Variants in USP49 observed in about 807,000 individuals in gnomAD.
USP49 encodes the protein ubiquitin specific peptidase 49, also known as ubiquitin carboxyl-terminal hydrolase 49.
USP49 carries 24 observed loss-of-function variants against 58.6 expected under a neutral mutation model. That is an observed-to-expected ratio of 0.41 (90% CI 0.30 to 0.58). The LOEUF (loss-of-function observed/expected upper bound fraction) is 0.58, where lower values mean the gene tolerates loss of function less well. Ranked by LOEUF, USP49 falls within the 20% of genes least tolerant of loss-of-function variation. The probability of loss-of-function intolerance (pLI) is 0.30; values close to 1 mark genes in which losing one functional copy is unlikely to be tolerated. For missense variants in USP49, 703 were observed against 866.1 expected, an observed-to-expected ratio of 0.81 and a Z score of 2.36; for synonymous variants, 408 against 365.1, an observed-to-expected ratio of 1.12 and a Z score of -1.34.
intron 3 of USP49, among the ~76,000 whole-genome samples, chr6:41,854,154 TA>T (rs1380911977): frequency 2.7e-5 from 4 of 149,240 alleles, no homozygotes; most frequent in Admixed American, 2.0e-4. Flanking sequence ...CCACCTCTAC[TA>T]AAAATACAAA....
intron 3 of USP49, among the ~76,000 whole-genome samples, 178 bp from the exon 4 acceptor site, chr6:41,807,189 A>G (rs1181459365): frequency 6.6e-6 from 1 of 152,144 alleles, no homozygotes; most frequent in African/African-American, 2.4e-5. Context: ...CATTTGGTAT[A>G]AAGGCAGAGA....
chr6:41,810,765 T>G (rs948742244), intron 3 of USP49, among the ~76,000 whole-genome samples: 1 of 151,626 alleles, frequency 6.6e-6, no homozygotes, highest in Non-Finnish European at 1.5e-5. Context: ...CAGGCTGGTC[T>G]TGAACTCCTG....
chr6:41,836,606 T>A (rs1773731491), intron 3 of USP49, among the ~76,000 whole-genome samples: 1 of 152,170 alleles, frequency 6.6e-6, no homozygotes, highest in African/African-American at 2.4e-5. Flanking sequence ...TATAATGTTA[T>A]AACTAGATCT....
At chr6:41,854,624 A>G (rs1774093268) in intron 3 of USP49, among the ~76,000 whole-genome samples, 1 of 152,146 alleles carries the variant, frequency 6.6e-6, no homozygotes, top group Non-Finnish European at 1.5e-5. Context: ...TCTTTCTTGC[A>G]TGTTGATGAT....
Position 41,794,970 on chromosome 6 carries a change from G to A in USP49, c.*1563C>T, listed in dbSNP as rs1772862406. 1.3e-5 allele frequency: 2 copies of A among 152,196 alleles called. No homozygotes were observed. Among genetic ancestry groups the A allele is most frequent in the Non-Finnish European group, 2.9e-5 (2 of 68,044 alleles). The allele number at this position is 152,196 out of a possible 1,614,324, so 9.4% of individuals were successfully genotyped here. A position where few individuals can be genotyped will look rare whatever the true frequency, so the allele number is the denominator to read the frequency against. ...GGTCAACAGCAAATGCTACAGATCT[G>A]TGTGGGAAATGTGGCTCATCAACAT... is the stretch of plus-strand genomic sequence containing the variant. On this transcript the variant is annotated 3_prime_UTR_variant, in exon 8 of 8. Coordinates refer to ENST00000682992, the MANE Select transcript of USP49 (RefSeq NM_001286554.2).
intron 3 of USP49, among the ~76,000 whole-genome samples, chr6:41,823,052 G>A (rs1329150548): frequency 6.6e-6 from 1 of 152,080 alleles, no homozygotes; most frequent in African/African-American, 2.4e-5. Context: ...CTAAAAAAGG[G>A]GCAGGGCTAT....
At chr6:41,873,358 T>A (rs1173585914) in intron 2 of USP49, among the ~76,000 whole-genome samples, 1 of 152,204 alleles carries the variant, frequency 6.6e-6, no homozygotes, top group African/African-American at 2.4e-5. Flanking sequence ...GAGCCAAGTT[T>A]CACATGTGGG....
intron 3 of USP49, among the ~76,000 whole-genome samples, chr6:41,833,166 G>T (rs892306919): frequency 4.0e-5 from 6 of 151,674 alleles, no homozygotes; most frequent in Non-Finnish European, 7.4e-5. Context: ...ACAGGTGCCC[G>T]CCACCATGCC....
chr6:41,811,118 C>G (rs980097281), intron 3 of USP49, among the ~76,000 whole-genome samples: 1 of 152,102 alleles, frequency 6.6e-6, no homozygotes, highest in Non-Finnish European at 1.5e-5. Context: ...TTCCAGATGG[C>G]AGAGGCATGT....
In USP49 at chr6:41,796,302, T is replaced by G. The variant is rs1195527240; in HGVS notation, c.*231A>C. 1 of 445,554 alleles carries G rather than the reference T, an allele frequency of 2.2e-6. No individual in the cohort carries two copies. Among genetic ancestry groups the G allele is most frequent in the Non-Finnish European group, 4.0e-6 (1 of 248,614 alleles). The allele number at this position is 445,554 out of a possible 1,614,324, so 27.6% of individuals were successfully genotyped here. ...TATTCAGAAGCAACTGATGAAAGGATCTTCATAGAAGTTACTTCTTTTGTT... is the reference window on the plus strand; with the variant it reads ...TATTCAGAAGCAACTGATGAAAGGAGCTTCATAGAAGTTACTTCTTTTGTT... On this transcript the variant is annotated 3_prime_UTR_variant, in exon 8 of 8. Transcript: ENST00000682992.
intron 3 of USP49, among the ~76,000 whole-genome samples, chr6:41,867,684 G>A (rs534747046): frequency 6.6e-5 from 10 of 151,836 alleles, no homozygotes; most frequent in East Asian, 1.9e-4. Context: ...CCCAGGAGGC[G>A]GAGCTTGCAG....
chr6:41,800,551 C>G (rs775026582), intron 5 of USP49, among the ~76,000 whole-genome samples: 1 of 152,206 alleles, frequency 6.6e-6, no homozygotes, highest in Non-Finnish European at 1.5e-5. Flanking sequence ...GGTTCCATGT[C>G]TTCACAATGG....
In USP49 at chr6:41,805,835, G is replaced by C; in HGVS notation, c.1149C>G (p.His383Gln). 1 of 1,614,038 alleles carries C rather than the reference G, an allele frequency of 6.2e-7. No homozygotes were observed. Among genetic ancestry groups the C allele is most frequent in the South Asian group, 1.1e-5 (1 of 91,078 alleles). ...AGGCAGGGATCAGGCTCCACACTGA[G>C]TGGAGCATGGCGAAGGGCGACACTA... ...WALVSPFAML[H>Q]SVWSLIPAFR... Residue 383 changes from histidine to glutamine, a missense_variant, in exon 4 of 8, where the codon CAC becomes CAG. By Grantham distance (24) the His-to-Gln change is conservative (BLOSUM62 0). This residue lies in a region of USP49 where 66 missense variants were observed against 116.0 expected (regional missense o/e 0.57). Coordinates refer to ENST00000682992, the MANE Select transcript of USP49 (RefSeq NM_001286554.2).
intron 2 of USP49, among the ~76,000 whole-genome samples, chr6:41,879,537 A>C (rs975247550): frequency 2.0e-5 from 3 of 152,320 alleles, no homozygotes; most frequent in Admixed American, 2.0e-4. Context: ...AGCTAAAAAA[A>C]GGAGAATGGA....
chr6:41,850,835 T>C (rs368541496), intron 3 of USP49, among the ~76,000 whole-genome samples: 31 of 151,992 alleles, frequency 2.0e-4, no homozygotes, highest in African/African-American at 7.0e-4. Flanking sequence ...TCTCTTGACC[T>C]CCTGATCCGC....
intron 2 of USP49, chr6:41,872,905 C>CAA (rs112566902): frequency 5.1e-5 from 5 of 99,002 alleles, no homozygotes; most frequent in South Asian, 3.2e-4. Context: ...GACTCCACCT[C>CAA]AAAAAAAAAA....
intron 2 of USP49, among the ~76,000 whole-genome samples, chr6:41,878,093 A>G (rs918204714): frequency 5.9e-5 from 9 of 152,196 alleles, no homozygotes; most frequent in African/African-American, 1.9e-4. Context: ...AAAGAGCTGC[A>G]AAGATCAAAT....
intron 3 of USP49, among the ~76,000 whole-genome samples, chr6:41,855,873 C>T (rs759210961): frequency 6.6e-6 from 1 of 151,230 alleles, no homozygotes; most frequent in African/African-American, 2.4e-5. Flanking sequence ...CATGGCGAAA[C>T]CCCGTCTCTA....
chr6:41,799,926 T>G lies in USP49; in HGVS notation c.1574A>C (p.Lys525Thr). The G allele has an allele frequency of 1.2e-6, 2 of 1,614,050 alleles. No individual in the cohort carries two copies. Among genetic ancestry groups the G allele is most frequent in the African/African-American group, 2.7e-5 (2 of 75,044 alleles). ...ACDQCNSKRR[K>T]SNPKPLVLSE... ...CAGAACAAGGGGTTTGGGATTGGAT[T>G]TTCGTCGTTTGCCTATGTGGTTTGG... Residue 525 changes from lysine to threonine, a missense_variant, in exon 6 of 8, where the codon AAA (lysine) becomes ACA (threonine). Physicochemically the swap from Lys to Thr is moderately conservative, Grantham distance 78. Transcript: ENST00000682992.
Sources: gnomAD v4.1 joint callset for allele counts (sites outside exome capture counted in the v4.1 genomes callset) on GRCh38, gnomAD v4.1.1 for gene constraint, gnomAD v4.1.1 regional missense constraint, MANE v1.5 for transcripts, NCBI Gene and HGNC (gene_info 2026-07-23, HGNC 2026-07-21) for gene names.